The following ABCG1 variants were observed in gnomAD, a reference collection of about 807,000 sequenced individuals.
The protein encoded by ABCG1 is ATP binding cassette subfamily G member 1.
In ABCG1, 29 loss-of-function variants were observed where a neutral mutation model predicts 69.2. The ratio of observed to expected loss-of-function variants is 0.42; its 90% confidence interval spans 0.31 to 0.57. The LOEUF is 0.57. Ranked by LOEUF, ABCG1 falls within the 20% of genes least tolerant of loss-of-function variation. ABCG1 has a pLI of 0.15. For synonymous variants in ABCG1, 370 were observed against 374.8 expected, an observed-to-expected ratio of 0.99 and a Z score of 0.15; for missense variants, 718 against 898.1, an observed-to-expected ratio of 0.80 and a Z score of 2.56.
Position 42,287,032 on chromosome 21 carries a change from G to A in ABCG1, c.974-857G>A, listed in dbSNP as rs1387017112. ...TGGCCTCCGTACCAGCTGGGAGGAA[G>A]CGGGTAGCTGGCTCTGCCAGAGGGA... On this transcript the variant is annotated intron_variant, in intron 8 of 14. Transcript: ENST00000398449. The surrounding 1 kb of genome is among the most constrained non-coding windows in gnomAD (Gnocchi z 6.2). Among the ~76,000 whole-genome samples, 2 of 152,224 alleles carry A rather than the reference G, an allele frequency of 1.3e-5. No homozygotes were observed. Among genetic ancestry groups the A allele is most frequent in the Non-Finnish European group, 1.5e-5 (1 of 68,040 alleles).
At chr21:42,245,038 C>T (rs1402773116) in intron 2 of ABCG1, among the ~76,000 whole-genome samples, 1 of 152,224 alleles carries the variant, frequency 6.6e-6, no homozygotes, top group Admixed American at 6.5e-5. Context: ...GCTCTGCCCC[C>T]ACGCGCTCCA....
intron 13 of ABCG1, among the ~76,000 whole-genome samples, chr21:42,292,419 C>T (rs925203667): frequency 6.6e-6 from 1 of 152,074 alleles, no homozygotes; most frequent in African/African-American, 2.4e-5. Flanking sequence ...CAGGCCCATG[C>T]CAGGTGCTGC....
intron 2 of ABCG1, among the ~76,000 whole-genome samples, chr21:42,226,170 A>G (rs1405190404): frequency 6.6e-6 from 1 of 152,208 alleles, no homozygotes; most frequent in Non-Finnish European, 1.5e-5. Flanking sequence ...GAATTTCACA[A>G]AGATTGACGG....
upstream of ABCG1, among the ~76,000 whole-genome samples, chr21:42,216,828 C>A (rs1257029973): frequency 6.6e-6 from 1 of 152,206 alleles, no homozygotes; most frequent in Non-Finnish European, 1.5e-5. Context: ...CGATCGGGCG[C>A]TGGAGGGGAA....
chr21:42,240,841 A>G (rs1051725998), intron 2 of ABCG1, among the ~76,000 whole-genome samples: 17 of 152,268 alleles, frequency 1.1e-4, no homozygotes, highest in African/African-American at 4.1e-4. Context: ...GCCAGGTCTC[A>G]TGACCTGGAC....
At position 42,219,942 on chromosome 21, in the gene ABCG1, G is replaced by C. The variant is rs532144561; in HGVS notation, c.42+638G>C. ...TCCTGCCGGCCGCCTTTCTGCGCGC[G>C]CCGGAGAGAGAGACGCGGTGGGGAC... On this transcript the variant is annotated intron_variant, in intron 1 of 14. Coordinates refer to ENST00000398449, the MANE Select transcript of ABCG1 (RefSeq NM_016818.3). This position sits in a 1 kb window ranked among gnomAD's most constrained non-coding sequence, Gnocchi z 5.3. 1.3e-6 allele frequency: 2 copies of C among 1,551,212 alleles called. No homozygotes were observed. The highest frequency in any genetic ancestry group is 2.4e-5 in the South Asian group (2 of 84,062).
chr21:42,219,726 TG>T lies in ABCG1; in HGVS notation c.42+423del, dbSNP rs1271341432. On this transcript the variant is annotated intron_variant, in intron 1 of 14. Transcript: ENST00000398449. This position sits in a 1 kb window ranked among gnomAD's most constrained non-coding sequence, Gnocchi z 5.3. ...AGAAGGGGAGCCCCGCGCGCGCGGC[TG>T]TGGGCTTGGGGACCGGGGACTTCTC... The T allele has an allele frequency of 5.2e-6, 6 of 1,159,654 alleles. No individual in the cohort carries two copies. The highest frequency in any genetic ancestry group is 1.6e-5 in the African/African-American group (1 of 63,414). 71.8% of individuals were successfully genotyped at this position (1,159,654 alleles called of 1,614,324 possible). A position where few individuals can be genotyped will look rare whatever the true frequency, so the allele number is the denominator to read the frequency against.
At chr21:42,202,384 C>A (rs2067513013) in intron 2 of ABCG1, among the ~76,000 whole-genome samples, 1 of 152,076 alleles carries the variant, frequency 6.6e-6, no homozygotes, top group Admixed American at 6.6e-5. Context: ...CTTTTCCTTG[C>A]AGAACTTTCT....
intron 2 of ABCG1, among the ~76,000 whole-genome samples, chr21:42,250,873 GC>G (rs1027355539): frequency 6.6e-6 from 1 of 152,310 alleles, no homozygotes; most frequent in South Asian, 2.1e-4. Context: ...TAGGAAGGTG[GC>G]CCCCAGACCC....
intron 2 of ABCG1, among the ~76,000 whole-genome samples, chr21:42,237,992 G>A (rs1388820327): frequency 1.3e-5 from 2 of 152,190 alleles, no homozygotes; most frequent in South Asian, 2.1e-4. Context: ...ACTCAGGATT[G>A]GAGTGAGGAA....
intron 2 of ABCG1, among the ~76,000 whole-genome samples, chr21:42,233,974 T>C (rs2123561950): frequency 6.6e-6 from 1 of 152,390 alleles, no homozygotes; most frequent in South Asian, 2.1e-4. Context: ...GGAGTTTTTA[T>C]GGGATTTCTC....
chr21:42,203,621 T>G (rs1257888789), intron 2 of ABCG1, among the ~76,000 whole-genome samples: 1 of 152,248 alleles, frequency 6.6e-6, no homozygotes, highest in African/African-American at 2.4e-5. Flanking sequence ...CGTCTGTCCT[T>G]TTGCCAATAG....
In ABCG1 at chr21:42,219,873, C is replaced by T. The variant is rs900741848; in HGVS notation, c.42+569C>T. On this transcript the variant is annotated intron_variant, in intron 1 of 14. Coordinates refer to ENST00000398449, the MANE Select transcript of ABCG1 (RefSeq NM_016818.3). The surrounding 1 kb of genome is among the most constrained non-coding windows in gnomAD (Gnocchi z 5.3). ...CCTCTCCCGGACCCACTCGGGGAGG[C>T]GGCGGCGAAGGCCCGGGGAGACCCG... is the stretch of plus-strand genomic sequence containing the variant. 1.7e-5 allele frequency: 26 copies of T among 1,536,048 alleles called. No individual in the cohort carries two copies. The highest frequency in any genetic ancestry group is 2.1e-5 in the Non-Finnish European group (24 of 1,142,064).
chr21:42,269,878 T>C (rs1047923982), intron 2 of ABCG1, among the ~76,000 whole-genome samples: 1 of 152,186 alleles, frequency 6.6e-6, no homozygotes, highest in African/African-American at 2.4e-5. Context: ...CAGGTCCCTG[T>C]CTCATTAGGT....
rs544473571 is a variant in ABCG1, at chr21:42,247,789, G to A, written c.286+21875G>A. On this transcript the variant is annotated intron_variant, in intron 2 of 14. Transcript: ENST00000398449. ...GAAGAAGAGAAGAAAAAGTCACAGA[G>A]ATGCAGGGGAGAAGAGACAGAGACA... Among the ~76,000 whole-genome samples the A allele has an allele frequency of 3.0e-3, 460 of 152,302 alleles. 3 individuals are homozygous for A. The highest frequency in any genetic ancestry group is 0.01 in the Middle Eastern group (3 of 294).
intron 2 of ABCG1, chr21:42,256,326 C>G: frequency 6.5e-7 from 1 of 1,549,570 alleles, no homozygotes; most frequent in Non-Finnish European, 8.7e-7. Flanking sequence ...GAGGGTGGGC[C>G]CTCTCTGCTG....
intron 6 of ABCG1, among the ~76,000 whole-genome samples, chr21:42,283,646 T>C (rs1048161682): frequency 2.9e-4 from 43 of 150,260 alleles, no homozygotes; most frequent in Non-Finnish European, 4.4e-4. Flanking sequence ...TGGACAGTTG[T>C]GAAGTCCCCC....
chr21:42,219,046 C>T, upstream of ABCG1: 1 of 258,340 alleles, frequency 3.9e-6, no homozygotes, highest in Non-Finnish European at 7.0e-6. This position sits in a 1 kb window ranked among gnomAD's most constrained non-coding sequence, Gnocchi z 5.3. Context: ...AGCACGCGCA[C>T]CTGCCGGCCC....
intron 2 of ABCG1, among the ~76,000 whole-genome samples, chr21:42,245,492 G>A (rs182574055): frequency 6.6e-6 from 1 of 152,220 alleles, no homozygotes; most frequent in Non-Finnish European, 1.5e-5. Flanking sequence ...TTCTTGAAGG[G>A]TGGGTGCGGC....
Sources: allele counts gnomAD v4.1 joint callset (sites outside exome capture counted in the v4.1 genomes callset), GRCh38; gene constraint gnomAD v4.1.1; non-coding constraint Gnocchi (gnomAD v3.1); transcripts MANE v1.5; gene names NCBI Gene and HGNC (gene_info 2026-07-23, HGNC 2026-07-21).